The following NMT1 variants were observed in gnomAD, a reference collection of about 807,000 sequenced individuals.
The protein encoded by NMT1 is glycylpeptide N-tetradecanoyltransferase 1.
NMT1 carries 12 observed loss-of-function variants against 63.4 expected under a neutral mutation model. The ratio of observed to expected loss-of-function variants is 0.19; its 90% CI spans 0.12 to 0.31. The LOEUF is 0.31. NMT1 is among the 10% of genes least tolerant of loss of function. The pLI is 1.00. For synonymous variants in NMT1, 228 were observed against 234.3 expected (o/e 0.97, Z 0.25); for missense variants, 432 against 634.6 (o/e 0.68, Z 3.43).
chr17:45,094,829 T>C (rs1441233421), intron 4 of NMT1, among the ~76,000 whole-genome samples: 2 of 146,794 alleles, frequency 1.4e-5, no homozygotes, highest in Non-Finnish European at 3.0e-5. Context: ...TTTTTTTTTT[T>C]TGAGACAGAG....
intron 2 of NMT1, among the ~76,000 whole-genome samples, chr17:45,082,587 T>C (rs2143482538): frequency 6.6e-6 from 1 of 152,312 alleles, no homozygotes; most frequent in South Asian, 2.1e-4. Flanking sequence ...CCCAGAGATA[T>C]GGGTAAGGAT....
intron 1 of NMT1, among the ~76,000 whole-genome samples, chr17:45,080,194 C>T (rs2054006652): frequency 6.8e-6 from 1 of 147,586 alleles, no homozygotes; most frequent in Non-Finnish European, 1.5e-5. Context: ...GAGTTTCGCT[C>T]TTGTTTCCCA....
At chr17:45,102,169 C>T (rs1049650560) in intron 8 of NMT1, among the ~76,000 whole-genome samples, 2 of 152,182 alleles carry the variant, frequency 1.3e-5, no homozygotes, top group Non-Finnish European at 2.9e-5. Context: ...AAAAGCAATT[C>T]CTGCACTGGG....
intron 3 of NMT1, among the ~76,000 whole-genome samples, chr17:45,092,312 A>G (rs2054093655): frequency 2.0e-5 from 3 of 152,064 alleles, no homozygotes; most frequent in Admixed American, 2.0e-4. Context: ...TGTCTGATGG[A>G]AGAGGGTGAG....
intron 3 of NMT1, among the ~76,000 whole-genome samples, chr17:45,086,998 TA>T (rs34544143): frequency 1.1e-3 from 159 of 143,170 alleles, no homozygotes; most frequent in East Asian, 1.3e-3. Context: ...CCACAAAAAG[TA>T]AAAAAAAAAA....
chr17:45,097,817 G>A (rs572575048), intron 6 of NMT1, among the ~76,000 whole-genome samples: 72 of 152,286 alleles, frequency 4.7e-4, no homozygotes, highest in Non-Finnish European at 9.0e-4. Flanking sequence ...GCTAATCAGA[G>A]GCTCATTTTT....
At chr17:45,084,497 C>A (rs2054038713) in intron 2 of NMT1, among the ~76,000 whole-genome samples, 1 of 151,836 alleles carries the variant, frequency 6.6e-6, no homozygotes, top group Non-Finnish European at 1.5e-5. Flanking sequence ...ACCACACTGG[C>A]TAATTTTTTG....
rs189738599 is a variant in NMT1, at chr17:45,074,942, G to A, written c.132-6702G>A. Among the ~76,000 whole-genome samples the A allele has an allele frequency of 1.7e-4, 26 of 152,302 alleles. No individual in the cohort carries two copies. The East Asian group carries it at 3.1e-3, about 18-fold the overall frequency. ...TTTAAAAAGGATGCCAGCCAGGCAC[G>A]GTGGCTCATTCCCATAATCCCAGCA... On this transcript the variant is annotated intron_variant, in intron 1 of 11. Transcript: ENST00000258960.
chr17:45,077,061 T>C (rs905343753), intron 1 of NMT1, among the ~76,000 whole-genome samples: 9 of 152,166 alleles, frequency 5.9e-5, no homozygotes, highest in African/African-American at 1.9e-4. Context: ...AGGTAGTTTT[T>C]ACAGTGATTT....
chr17:45,092,760 C>G (rs1248650037), intron 3 of NMT1, among the ~76,000 whole-genome samples: 1 of 151,436 alleles, frequency 6.6e-6, no homozygotes, highest in South Asian at 2.1e-4. Context: ...GATCAGGAGT[C>G]TGAAAGTCAG....
intron 1 of NMT1, among the ~76,000 whole-genome samples, chr17:45,067,063 G>A (rs942048050): frequency 1.3e-5 from 2 of 151,914 alleles, no homozygotes; most frequent in Non-Finnish European, 2.9e-5. Context: ...CCCCAGTTAC[G>A]TGCCTAGCGT....
At chr17:45,078,841 G>C (rs1325585767) in intron 1 of NMT1, among the ~76,000 whole-genome samples, 1 of 151,664 alleles carries the variant, frequency 6.6e-6, no homozygotes, top group African/African-American at 2.4e-5. Context: ...TTTTGGATTT[G>C]TGTTAGAGAC....
chr17:45,081,456 A>G (rs190402765), intron 1 of NMT1, among the ~76,000 whole-genome samples, 188 bp from the exon 2 acceptor site: 41 of 152,252 alleles, frequency 2.7e-4, no homozygotes, highest in African/African-American at 9.1e-4. Context: ...CTGAAAGCCG[A>G]GGGGGCGCGA....
At chr17:45,098,651 C>T in intron 7 of NMT1, 99 bp downstream of exon 7, 1 of 1,153,124 alleles carries the variant, frequency 8.7e-7, no homozygotes, top group Non-Finnish European at 1.3e-6. Flanking sequence ...CTTAGCATCC[C>T]ACCTCTGGCG....
intron 1 of NMT1, among the ~76,000 whole-genome samples, chr17:45,062,732 C>T (rs12451399): frequency 0.17 from 25,938 of 152,138 alleles, 2,485 homozygotes; most frequent in Admixed American, 0.23. Flanking sequence ...ATTTAGTAGG[C>T]TATACCATCT....
intron 1 of NMT1, among the ~76,000 whole-genome samples, chr17:45,079,081 T>A (rs1236219849): frequency 6.6e-6 from 1 of 151,934 alleles, no homozygotes; most frequent in Admixed American, 6.6e-5. Flanking sequence ...TTGACTTTTC[T>A]TTTTTTCTTT....
rs897001493 is a variant in NMT1 at position 45,099,530 on chromosome 17, G to A, written c.993+17G>A. On this transcript the variant is annotated intron_variant, in intron 8 of 11. Coordinates refer to ENST00000258960, the MANE Select transcript of NMT1 (RefSeq NM_021079.5). Reference sequence around the variant, plus strand: ...CTGCCAGAGGCCAGTGCTGCCCCGGGTGGTGGGCAGGGGGCAGAGAGAGGG... The same window carrying A: ...CTGCCAGAGGCCAGTGCTGCCCCGGATGGTGGGCAGGGGGCAGAGAGAGGG... The A allele has an allele frequency of 2.5e-6, 4 of 1,575,688 alleles. No homozygotes were observed. In the East Asian group the frequency reaches 8.9e-5, roughly 35 times the overall value.
At chr17:45,094,624 C>T (rs1207707878) in intron 4 of NMT1, among the ~76,000 whole-genome samples, 2 of 150,512 alleles carry the variant, frequency 1.3e-5, no homozygotes, top group Non-Finnish European at 3.0e-5. Context: ...AAGCGATTCT[C>T]CTGCCTCAGC....
chr17:45,101,568 G>A (rs745496019), intron 8 of NMT1, among the ~76,000 whole-genome samples: 59 of 137,060 alleles, frequency 4.3e-4, no homozygotes, highest in Non-Finnish European at 3.2e-4. Context: ...GCAGCGAGCC[G>A]AGATCGCACC....
Sources: gnomAD v4.1 joint callset for allele counts (sites outside exome capture counted in the v4.1 genomes callset) on GRCh38, gnomAD v4.1.1 for gene constraint, MANE v1.5 for transcripts, NCBI Gene and HGNC (gene_info 2026-07-23, HGNC 2026-07-21) for gene names.